Variants in MCC observed in about 807,000 individuals in gnomAD.
MCC encodes the protein MCC regulator of Wnt signaling pathway.
Under a neutral mutation model 116.2 loss-of-function variants are expected in MCC, and 90 were observed. The observed-to-expected ratio is 0.77, with a 90% CI of 0.65 to 0.92. MCC has a LOEUF of 0.92. Among genes scored for constraint, MCC ranks in the 40% least tolerant of loss-of-function variants. MCC has a pLI of 0.00. For missense variants in MCC, 1,516 were observed against 1,312.2 expected, an observed-to-expected ratio of 1.16 and a Z score of -2.40; for synonymous variants, 578 against 510.5, an observed-to-expected ratio of 1.13 and a Z score of -1.78.
At chr5:113,147,935 G>A (rs1759624861) in intron 4 of MCC, among the ~76,000 whole-genome samples, 1 of 152,212 alleles carries the variant, frequency 6.6e-6, no homozygotes, top group Admixed American at 6.5e-5. Context: ...CTTCCTGAAT[G>A]CCAAGAGGTA....
intron 3 of MCC, among the ~76,000 whole-genome samples, chr5:113,155,995 C>G (rs1158442553): frequency 6.6e-6 from 1 of 152,106 alleles, no homozygotes; most frequent in African/African-American, 2.4e-5. Context: ...CATCCTTTTT[C>G]CTTTCATCCA....
chr5:113,361,268 A>G (rs528295034), intron 2 of MCC, among the ~76,000 whole-genome samples: 1 of 146,624 alleles, frequency 6.8e-6, no homozygotes, highest in Non-Finnish European at 1.5e-5. Flanking sequence ...TAAAAAAAAA[A>G]CCCATCTTCA....
At chr5:113,201,596 C>A (rs2150318884) in intron 3 of MCC, among the ~76,000 whole-genome samples, 1 of 152,222 alleles carries the variant, frequency 6.6e-6, no homozygotes, top group South Asian at 2.1e-4. Flanking sequence ...AGAGTCAATG[C>A]TTTTGACATC....
intron 6 of MCC, among the ~76,000 whole-genome samples, chr5:113,114,910 G>A (rs1757308765): frequency 6.6e-6 from 1 of 151,738 alleles, no homozygotes; most frequent in East Asian, 1.9e-4. Context: ...ACAAGAGTTT[G>A]GGTGCCATGG....
chr5:113,379,172 CT>C (rs1221049025), intron 2 of MCC, among the ~76,000 whole-genome samples: 1 of 152,180 alleles, frequency 6.6e-6, no homozygotes, highest in Non-Finnish European at 1.5e-5. Flanking sequence ...TCAGTTTGCA[CT>C]TTGCTCATCA....
intron 4 of MCC, among the ~76,000 whole-genome samples, chr5:113,149,946 T>C (rs1032018613): frequency 5.9e-5 from 9 of 151,996 alleles, no homozygotes; most frequent in African/African-American, 1.7e-4. Flanking sequence ...GGATGCCCAA[T>C]TGGAGAATAG....
chr5:113,138,266 C>T (rs1758958536), intron 5 of MCC, among the ~76,000 whole-genome samples: 1 of 152,292 alleles, frequency 6.6e-6, no homozygotes, highest in South Asian at 2.1e-4. Context: ...CTGCCTCAGC[C>T]TCCCAAAGTG....
intron 1 of MCC, among the ~76,000 whole-genome samples, chr5:113,450,660 T>C (rs772110768): frequency 9.2e-5 from 14 of 152,236 alleles, no homozygotes; most frequent in Non-Finnish European, 1.9e-4. Context: ...TCTTTAGAGC[T>C]GATTTTGGAT....
chr5:113,104,000 T>C (rs1756582106), intron 7 of MCC, among the ~76,000 whole-genome samples, 192 bp downstream of exon 7: 1 of 152,212 alleles, frequency 6.6e-6, no homozygotes, highest in South Asian at 2.1e-4. Context: ...ATCATGACTT[T>C]TTCTGAAATA....
chr5:113,142,788 A>G (rs1053140092), intron 5 of MCC, among the ~76,000 whole-genome samples: 2 of 152,176 alleles, frequency 1.3e-5, no homozygotes, highest in Admixed American at 1.3e-4. Context: ...ATCTCTCAAA[A>G]TCTCCAAGGG....
chr5:113,231,274 T>C (rs1763932916), intron 3 of MCC, among the ~76,000 whole-genome samples: 1 of 152,158 alleles, frequency 6.6e-6, no homozygotes, highest in Non-Finnish European at 1.5e-5. Flanking sequence ...TTCCCAGTTT[T>C]AGAAATTTCT....
intron 5 of MCC, among the ~76,000 whole-genome samples, chr5:113,125,368 C>T (rs966573165): frequency 2.0e-5 from 3 of 152,126 alleles, no homozygotes; most frequent in African/African-American, 7.2e-5. Context: ...AGTAAATAGT[C>T]ATCAGAGGTG....
At chr5:113,349,305 C>G (rs1226741895) in intron 2 of MCC, among the ~76,000 whole-genome samples, 3 of 152,024 alleles carry the variant, frequency 2.0e-5, no homozygotes, top group Non-Finnish European at 4.4e-5. Context: ...CAACAAAATA[C>G]TAGCAAATTG....
chr5:113,103,433 A>G (rs1175823400), intron 7 of MCC, among the ~76,000 whole-genome samples: 1 of 152,222 alleles, frequency 6.6e-6, no homozygotes, highest in Non-Finnish European at 1.5e-5. Flanking sequence ...GAGATTCCAG[A>G]GAAAGAAACA....
intron 5 of MCC, among the ~76,000 whole-genome samples, chr5:113,127,062 C>T (rs1423534968): frequency 6.6e-6 from 1 of 152,182 alleles, no homozygotes; most frequent in Non-Finnish European, 1.5e-5. Context: ...TGTTGTTCCC[C>T]TCTTTGTGTC....
At chr5:113,362,073 C>G (rs982067478) in intron 2 of MCC, among the ~76,000 whole-genome samples, 1 of 152,242 alleles carries the variant, frequency 6.6e-6, no homozygotes, top group African/African-American at 2.4e-5. Flanking sequence ...CCTCATATAT[C>G]TATGTCTATA....
intron 2 of MCC, among the ~76,000 whole-genome samples, chr5:113,379,559 C>A (rs1769064314): frequency 6.6e-6 from 1 of 152,196 alleles, no homozygotes; most frequent in African/African-American, 2.4e-5. Context: ...TGGGATCTAT[C>A]TTTCTAGCAT....
At chr5:113,096,467 T>G (rs1348592277) in intron 8 of MCC, among the ~76,000 whole-genome samples, 1 of 152,264 alleles carries the variant, frequency 6.6e-6, no homozygotes, top group African/African-American at 2.4e-5. Flanking sequence ...TGAGTGAAAC[T>G]GCCTGTTTCT....
At chr5:113,407,090 T>C (rs1320139742) in intron 1 of MCC, among the ~76,000 whole-genome samples, 1 of 152,170 alleles carries the variant, frequency 6.6e-6, no homozygotes. Flanking sequence ...GAAAAAAAAT[T>C]GTTATCTACA....
Sources: allele counts gnomAD v4.1 joint callset (sites outside exome capture counted in the v4.1 genomes callset), GRCh38; gene constraint gnomAD v4.1.1; transcripts MANE v1.5; gene names NCBI Gene and HGNC (gene_info 2026-07-23, HGNC 2026-07-21).